Variants in TMEM116 observed in about 807,000 individuals in gnomAD.
TMEM116 encodes transmembrane protein 116.
In TMEM116, 38 loss-of-function variants were observed where a neutral mutation model predicts 44.3. The ratio of observed to expected loss-of-function variants is 0.86; its 90% CI spans 0.66 to 1.12. The LOEUF (loss-of-function observed/expected upper bound fraction) is 1.12. Among genes scored for constraint, TMEM116 ranks in the 50% most tolerant of loss-of-function variants. The pLI is 0.00. For synonymous variants in TMEM116, 132 were observed against 144.8 expected, an observed-to-expected ratio of 0.91 and a Z score of 0.64; for missense variants, 354 against 401.7, an observed-to-expected ratio of 0.88 and a Z score of 1.01.
At chr12:111,971,078 T>C (rs1380827101) in intron 4 of TMEM116, among the ~76,000 whole-genome samples, 5 of 152,182 alleles carry the variant, frequency 3.3e-5, no homozygotes, top group Non-Finnish European at 4.4e-5. Context: ...CTAGCAAATA[T>C]ACTTTCAAAA....
chr12:111,938,221 A>C lies in TMEM116; in HGVS notation c.316-11T>G. 6.4e-7 allele frequency: 1 copy of C among 1,565,712 alleles called. No individual in the cohort carries two copies. Among genetic ancestry groups the C allele is most frequent in the Non-Finnish European group, 8.7e-7 (1 of 1,155,238 alleles). ...AGTATAATCTATCACCTGTGAAAAG[A>C]ATAAATGTGAGAAATGTCTTAAGAC... is the stretch of plus-strand genomic sequence containing the variant. On this transcript the variant is annotated splice_polypyrimidine_tract_variant and intron_variant, in intron 5 of 10. Coordinates refer to ENST00000552374, the MANE Select transcript of TMEM116 (RefSeq NM_001193531.2).
intron 4 of TMEM116, among the ~76,000 whole-genome samples, chr12:111,952,005 C>T (rs1038997528): frequency 1.3e-5 from 2 of 151,872 alleles, no homozygotes; most frequent in Non-Finnish European, 1.5e-5. Flanking sequence ...CTGAGGTGGG[C>T]GGACCATGAG....
Position 111,932,524 on chromosome 12 carries a change from T to C in TMEM116, c.807+62A>G, listed in dbSNP as rs1002200824. The C allele has an allele frequency of 7.4e-6, 10 of 1,350,708 alleles. No individual in the cohort carries two copies. In the African/African-American group the frequency reaches 1.4e-4, roughly 19 times the overall value. The allele number at this position is 1,350,708 out of a possible 1,614,324, so 83.7% of individuals were successfully genotyped here. On this transcript the variant is annotated intron_variant, in intron 10 of 10. Transcript: ENST00000552374. The stretch of plus-strand genomic sequence containing the variant: ...AAAAATCATCCTTACCGAGTAAAGG[T>C]AGTATAAGAAAATAGGATAAGCGGG...
intron 3 of TMEM116, among the ~76,000 whole-genome samples, chr12:112,003,134 G>C (rs1260948389): frequency 1.3e-5 from 2 of 152,184 alleles, no homozygotes; most frequent in Non-Finnish European, 2.9e-5. Flanking sequence ...AGTCCCAGTA[G>C]CAATTTTACT....
At chr12:111,960,746 C>T (rs182831582) in intron 4 of TMEM116, among the ~76,000 whole-genome samples, 1 of 152,032 alleles carries the variant, frequency 6.6e-6, no homozygotes, top group Non-Finnish European at 1.5e-5. Context: ...AATCAACACC[C>T]TAATATCACA....
chr12:111,993,866 G>A lies in TMEM116; in HGVS notation c.79-1977C>T. ...TCTGTGTTGAATAAAGAAAAAGGTA[G>A]CAGTGCTTCTCAAGTCCTCCAGAGA... is the stretch of plus-strand genomic sequence containing the variant. On this transcript the variant is annotated intron_variant, in intron 3 of 10. Coordinates refer to ENST00000552374, the MANE Select transcript of TMEM116 (RefSeq NM_001193531.2). 8 of 751,066 alleles carry A rather than the reference G, an allele frequency of 1.1e-5. No individual in the cohort carries two copies. In the South Asian group the frequency reaches 1.1e-4, roughly 10 times the overall value. The allele number at this position is 751,066 out of a possible 1,614,324, so 46.5% of individuals were successfully genotyped here. A position where few individuals can be genotyped will look rare whatever the true frequency, so the allele number is the denominator to read the frequency against.
intron 3 of TMEM116, among the ~76,000 whole-genome samples, chr12:111,994,761 T>C (rs2076836013): frequency 6.6e-6 from 1 of 152,182 alleles, no homozygotes; most frequent in African/African-American, 2.4e-5. Flanking sequence ...CAAAAGCTGG[T>C]TGCAAACAAT....
At chr12:111,950,469 TAAA>T (rs34167575) in intron 4 of TMEM116, among the ~76,000 whole-genome samples, 8 of 124,582 alleles carry the variant, frequency 6.4e-5, no homozygotes, top group African/African-American at 8.9e-5. Flanking sequence ...GATCTGATCT[TAAA>T]AAAAAAAAAA....
chr12:111,956,097 T>G (rs996447054), intron 4 of TMEM116, among the ~76,000 whole-genome samples: 1 of 152,234 alleles, frequency 6.6e-6, no homozygotes, highest in Non-Finnish European at 1.5e-5. Context: ...GGGCAAATGA[T>G]TGATTTCTTC....
At chr12:111,988,105 C>A (rs573033608) in intron 4 of TMEM116, among the ~76,000 whole-genome samples, 3 of 152,052 alleles carry the variant, frequency 2.0e-5, no homozygotes, top group Non-Finnish European at 4.4e-5. Context: ...TCCACTGATA[C>A]GAGGTACCTA....
At chr12:111,947,861 A>C (rs9788231) in intron 4 of TMEM116, among the ~76,000 whole-genome samples, 40,675 of 152,144 alleles carry the variant, frequency 0.27, 7,089 homozygotes, top group East Asian at 0.85. Context: ...ATAAAACCAA[A>C]AAATTAGTTA....
intron 4 of TMEM116, among the ~76,000 whole-genome samples, chr12:111,953,082 G>T (rs956795258): frequency 3.3e-5 from 5 of 151,926 alleles, no homozygotes; most frequent in African/African-American, 1.2e-4. Flanking sequence ...TTCTACAAAA[G>T]TACAACTCCT....
At chr12:111,984,203 G>GCT (rs2076096960) in intron 4 of TMEM116, among the ~76,000 whole-genome samples, 1 of 151,778 alleles carries the variant, frequency 6.6e-6, no homozygotes, top group African/African-American at 2.4e-5. Flanking sequence ...CAAAATAAAG[G>GCT]CCAGTACATA....
chr12:111,978,518 C>T (rs558359422), intron 4 of TMEM116, among the ~76,000 whole-genome samples: 3 of 152,068 alleles, frequency 2.0e-5, no homozygotes, highest in Non-Finnish European at 4.4e-5. Flanking sequence ...ATGTTTGTGT[C>T]CCTCAAAATT....
intron 4 of TMEM116, among the ~76,000 whole-genome samples, chr12:111,975,205 C>T (rs552645922): frequency 6.6e-6 from 1 of 152,342 alleles, no homozygotes; most frequent in African/African-American, 2.4e-5. Flanking sequence ...AGTGCAGTGG[C>T]ACGATCAGGG....
intron 4 of TMEM116, among the ~76,000 whole-genome samples, chr12:111,957,642 C>T (rs1249367685): frequency 6.6e-6 from 1 of 151,734 alleles, no homozygotes; most frequent in Non-Finnish European, 1.5e-5. Flanking sequence ...GCCCGGCTGC[C>T]CCGTCTGGGA....
chr12:111,968,827 T>C (rs1175540526), intron 4 of TMEM116, among the ~76,000 whole-genome samples: 3 of 151,556 alleles, frequency 2.0e-5, no homozygotes, highest in Non-Finnish European at 4.4e-5. Flanking sequence ...ACCCCGTCTC[T>C]ACTAAAAATT....
chr12:111,960,112 T>C (rs945726961), intron 4 of TMEM116, among the ~76,000 whole-genome samples: 24 of 152,230 alleles, frequency 1.6e-4, no homozygotes, highest in African/African-American at 5.8e-4. Context: ...AAAACACTCC[T>C]CCACAAATGC....
chr12:111,969,191 A>C (rs913575678), intron 4 of TMEM116, among the ~76,000 whole-genome samples: 4 of 151,152 alleles, frequency 2.6e-5, no homozygotes, highest in African/African-American at 9.7e-5. Flanking sequence ...ACGGTGGTGC[A>C]TGCCTGTAAT....
Sources: gnomAD v4.1 joint callset for allele counts (sites outside exome capture counted in the v4.1 genomes callset) on GRCh38, gnomAD v4.1.1 for gene constraint, MANE v1.5 for transcripts, NCBI Gene and HGNC (gene_info 2026-07-23, HGNC 2026-07-21) for gene names.